CLTCL1: variants seen among roughly 807,000 people sequenced by gnomAD.
CLTCL1 encodes clathrin heavy chain 2.
A neutral mutation model predicts 190.0 loss-of-function variants in CLTCL1; 159 were observed. The observed-to-expected ratio is 0.84, with a 90% CI of 0.74 to 0.95. The LOEUF (loss-of-function observed/expected upper bound fraction) is 0.95. Among genes scored for constraint, CLTCL1 ranks in the 40% least tolerant of loss-of-function variants. The probability of loss-of-function intolerance (pLI) is 0.00; values close to 1 mark genes in which losing one functional copy is unlikely to be tolerated. For missense variants in CLTCL1, 1,878 were observed against 2,033.4 expected (o/e 0.92, Z 1.47); for synonymous variants, 752 against 769.6 (o/e 0.98, Z 0.38).
intron 22 of CLTCL1, 92 bp downstream of exon 22, chr22:19,208,062 G>C (rs2146373395): frequency 2.7e-6 from 4 of 1,502,822 alleles, no homozygotes; most frequent in East Asian, 2.3e-5. Flanking sequence ...ACCAGTCCCT[G>C]GTGCCAAAAC....
intron 30 of CLTCL1, chr22:19,181,659 A>G (rs2084143124): frequency 6.6e-6 from 1 of 152,308 alleles, no homozygotes; most frequent in Admixed American, 6.5e-5. Flanking sequence ...GTCCACCAGG[A>G]AAGGACTGTG....
rs2084626314 is a variant in CLTCL1, at chr22:19,194,418, G to A, written c.4191+1848C>T. Among the ~76,000 whole-genome samples the A allele has an allele frequency of 3.3e-5, 5 of 152,220 alleles. No individual in the cohort carries two copies. In the South Asian group the frequency reaches 1.0e-3, roughly 32 times the overall value. On this transcript the variant is annotated intron_variant, in intron 26 of 32. Coordinates refer to ENST00000427926, the MANE Select transcript of CLTCL1 (RefSeq NM_007098.4). The stretch of plus-strand genomic sequence containing the variant: ...AATCGCTCGAGGCTGGGAGGCGGAG[G>A]TTGCAGTGAGCCAAGATCGCGCCAC...
At chr22:19,243,267 G>A (rs1428109368) in intron 3 of CLTCL1, among the ~76,000 whole-genome samples, 1 of 152,130 alleles carries the variant, frequency 6.6e-6, no homozygotes, top group Admixed American at 6.5e-5. Flanking sequence ...GTTAAATCGG[G>A]GGATGCAATC....
intron 24 of CLTCL1, among the ~76,000 whole-genome samples, chr22:19,199,068 G>A (rs2084798499): frequency 6.6e-6 from 1 of 152,164 alleles, no homozygotes; most frequent in African/African-American, 2.4e-5. Flanking sequence ...GTCTCACATA[G>A]TGAGGGGTTT....
At chr22:19,230,910 G>A (rs781984537) in intron 10 of CLTCL1, among the ~76,000 whole-genome samples, 8 of 152,078 alleles carry the variant, frequency 5.3e-5, no homozygotes, top group Non-Finnish European at 1.0e-4. Flanking sequence ...CCATCTAATC[G>A]GCTGGGGGCA....
At chr22:19,205,861 A>G (rs2085031293) in intron 22 of CLTCL1, among the ~76,000 whole-genome samples, 1 of 152,144 alleles carries the variant, frequency 6.6e-6, no homozygotes, top group Admixed American at 6.5e-5. Context: ...CTGGAATTTT[A>G]CTTGGTTACA....
At chr22:19,246,539 C>T (rs981646513) in intron 3 of CLTCL1, among the ~76,000 whole-genome samples, 6 of 151,720 alleles carry the variant, frequency 4.0e-5, no homozygotes, top group African/African-American at 9.7e-5. Context: ...TGCAATGGCG[C>T]GATCTCGGCT....
At position 19,242,877 on chromosome 22, in the gene CLTCL1, G is replaced by T; in HGVS notation, c.579C>A (p.Pro193=). Residue 193 remains proline, a synonymous_variant, in exon 4 of 33, where the codon CCC becomes CCA. Transcript: ENST00000427926. ...LYSVDRKVSQ[P]IEGHAAAFAE... is the part of the protein sequence containing the mutation. ...CAAAAGCCGCAGCATGGCCTTCTAT[G>T]GGTTGTGAAACCTTCCTATCCACAG... The T allele has an allele frequency of 6.2e-7, 1 of 1,613,920 alleles. No individual in the cohort carries two copies. The highest frequency in any genetic ancestry group is 8.5e-7 in the Non-Finnish European group (1 of 1,179,866).
chr22:19,288,427 C>T (rs759713810), intron 1 of CLTCL1, among the ~76,000 whole-genome samples: 1 of 152,148 alleles, frequency 6.6e-6, no homozygotes, highest in African/African-American at 2.4e-5. Flanking sequence ...ATGGGTAAAT[C>T]GGGACTACTG....
chr22:19,193,673 G>C (rs189829356), intron 26 of CLTCL1, among the ~76,000 whole-genome samples: 5 of 152,284 alleles, frequency 3.3e-5, no homozygotes, highest in Admixed American at 6.5e-5. Context: ...TATTCCTTCC[G>C]GTGGGTTCTT....
At chr22:19,212,615 GGAAA>G (rs1273468858) in intron 19 of CLTCL1, among the ~76,000 whole-genome samples, 1 of 110,596 alleles carries the variant, frequency 9.0e-6, no homozygotes, top group African/African-American at 3.3e-5. Context: ...AAGGAAGGAA[GGAAA>G]GAAAGAGAAA....
intron 3 of CLTCL1, among the ~76,000 whole-genome samples, chr22:19,246,233 T>G (rs1453591114): frequency 6.6e-6 from 1 of 151,244 alleles, no homozygotes; most frequent in Non-Finnish European, 1.5e-5. Context: ...CTAGTTTTTT[T>G]GTATTTTTAG....
chr22:19,247,613 T>A (rs1272463421), intron 3 of CLTCL1, among the ~76,000 whole-genome samples: 1 of 152,056 alleles, frequency 6.6e-6, no homozygotes, highest in Non-Finnish European at 1.5e-5. Flanking sequence ...CAGGCTGGAG[T>A]GCAATGGTGT....
intron 26 of CLTCL1, among the ~76,000 whole-genome samples, chr22:19,194,691 C>G (rs1909225438): frequency 6.6e-6 from 1 of 152,198 alleles, no homozygotes; most frequent in Non-Finnish European, 1.5e-5. Flanking sequence ...GGTGACACCC[C>G]TAGCCCACAT....
At chr22:19,288,089 C>T (rs1269217162) in intron 1 of CLTCL1, among the ~76,000 whole-genome samples, 4 of 152,150 alleles carry the variant, frequency 2.6e-5, no homozygotes, top group Non-Finnish European at 4.4e-5. Context: ...CCCTCCTCTG[C>T]CCAGCATATC....
At chr22:19,216,940 C>T (rs2085403266) in intron 18 of CLTCL1, among the ~76,000 whole-genome samples, 1 of 152,192 alleles carries the variant, frequency 6.6e-6, no homozygotes, top group African/African-American at 2.4e-5. Flanking sequence ...TTCTGGTTCT[C>T]CTCAGGGGTG....
Position 19,239,315 on chromosome 22 carries a change from A to T in CLTCL1, c.755T>A (p.Phe252Tyr). Residue 252 changes from phenylalanine (F) to tyrosine (Y), a missense_variant, in exon 5 of 33, where the codon TTT becomes TAT. Phe to Tyr is a conservative substitution (Grantham distance 22, BLOSUM62 3). Coordinates refer to ENST00000427926, the MANE Select transcript of CLTCL1 (RefSeq NM_007098.4). ...AAAATCATTCTGTGCCTCTGGAGGAAAAAACACATCTACTGCTTTCTTTAC... is the reference window on the plus strand; with the variant it reads ...AAAATCATTCTGTGCCTCTGGAGGATAAAACACATCTACTGCTTTCTTTAC... ...PFVKKAVDVF[F>Y]PPEAQNDFPV... 1 of 1,614,040 alleles carries T rather than the reference A, an allele frequency of 6.2e-7. No homozygotes were observed. The highest frequency in any genetic ancestry group is 8.5e-7 in the Non-Finnish European group (1 of 1,179,908).
At chr22:19,272,024 G>A (rs540275492) in intron 2 of CLTCL1, among the ~76,000 whole-genome samples, 137 of 152,260 alleles carry the variant, frequency 9.0e-4, no homozygotes, top group African/African-American at 3.1e-3. Flanking sequence ...CAGGAGGATC[G>A]TTTGAGCCCA....
intron 1 of CLTCL1, among the ~76,000 whole-genome samples, chr22:19,282,686 A>AGTACAATG (rs2087762600): frequency 6.6e-6 from 1 of 151,958 alleles, no homozygotes; most frequent in South Asian, 2.1e-4. Flanking sequence ...TAGTTTTAAT[A>AGTACAATG]GTACAATGAG....
Sources: gnomAD v4.1 joint callset for allele counts (sites outside exome capture counted in the v4.1 genomes callset) on GRCh38, gnomAD v4.1.1 for gene constraint, MANE v1.5 for transcripts, NCBI Gene and HGNC (gene_info 2026-07-23, HGNC 2026-07-21) for gene names.